Variants in ZNF444 observed in about 807,000 individuals in gnomAD.
ZNF444 encodes the protein endothelial zinc finger protein 2.
Under a neutral mutation model 14.4 loss-of-function variants are expected in ZNF444, and 8 were observed. That is an observed-to-expected ratio of 0.56 (90% confidence interval 0.33 to 1.00). ZNF444 has a LOEUF of 1.00. Among genes scored for constraint, ZNF444 ranks in the 50% least tolerant of loss-of-function variants. The pLI is 0.03. For synonymous variants in ZNF444, 258 were observed against 235.9 expected (o/e 1.09, Z -0.86); for missense variants, 510 against 504.8 (o/e 1.01, Z -0.10).
chr19:56,159,823 G>GGCA lies in ZNF444; in HGVS notation c.607_608insCAG (p.Ser202_Gly203insAla). 6.3e-7 allele frequency: 1 copy of GGCA among 1,576,098 alleles called. No homozygotes were observed. The highest frequency in any genetic ancestry group is 8.6e-7 in the Non-Finnish European group (1 of 1,167,012). ...TGCTGCGCCACCGGCAGAGCCACTC[G>GGCA]GGCGAGAAGCCGCACGCCTGCCCTG... On this transcript the variant is annotated inframe_insertion, in exon 5 of 5. Coordinates refer to ENST00000337080, the MANE Select transcript of ZNF444 (RefSeq NM_018337.4).
chr19:56,156,943 C>T (rs1182042556), intron 3 of ZNF444: 2 of 152,292 alleles, frequency 1.3e-5, no homozygotes, highest in Non-Finnish European at 2.9e-5. Flanking sequence ...GGGTGGATCT[C>T]AGGCTTTTCT....
chr19:56,141,217 C>G (rs1463775852), upstream of ZNF444: 1 of 137,334 alleles, frequency 7.3e-6, no homozygotes, highest in Admixed American at 7.6e-5. Flanking sequence ...TTGGGCTGAA[C>G]GAGCGGCTCG....
At position 56,160,154 on chromosome 19, in the gene ZNF444, C is replaced by A; in HGVS notation, c.937C>A (p.Pro313Thr). The change falls in exon 5 of 5, where the codon CCG becomes ACG. Residue 313 changes from proline (P) to threonine (T), a missense_variant. Pro to Thr is a conservative substitution (Grantham distance 38). Transcript: ENST00000337080. ...AAASAQGAVA[P>T]GPDGGGPFPP... Reference sequence around the variant, plus strand: ...GGCCAGCGCGCAGGGGGCGGTAGCTCCGGGCCCGGATGGTGGAGGCCCCTT... The same window carrying A: ...GGCCAGCGCGCAGGGGGCGGTAGCTACGGGCCCGGATGGTGGAGGCCCCTT... 1 of 1,482,420 alleles carries A rather than the reference C, an allele frequency of 6.7e-7. No homozygotes were observed. The highest frequency in any genetic ancestry group is 8.9e-7 in the Non-Finnish European group (1 of 1,125,476). The allele number at this position is 1,482,420 out of a possible 1,614,324, so 91.8% of individuals were successfully genotyped here.
intron 3 of ZNF444, chr19:56,151,955 C>G (rs1268235812): frequency 6.6e-6 from 3 of 456,112 alleles, no homozygotes; most frequent in Non-Finnish European, 8.8e-6. Context: ...TTCACCGAGA[C>G]ATTGCCGGAT....
chr19:56,157,561 G>C (rs986020488), intron 3 of ZNF444: 2 of 152,034 alleles, frequency 1.3e-5, no homozygotes, highest in African/African-American at 4.8e-5. Context: ...GTGGCACCAC[G>C]CCCAGCTAAT....
chr19:56,134,687 T>A (rs1328975016), intron 1 of ZNF444, among the ~76,000 whole-genome samples: 3 of 152,058 alleles, frequency 2.0e-5, no homozygotes, highest in Non-Finnish European at 2.9e-5. Flanking sequence ...TCACCAAGAT[T>A]TATGGCCCAC....
chr19:56,152,483 GTTTT>G (rs113205489), intron 3 of ZNF444, among the ~76,000 whole-genome samples: 3 of 122,546 alleles, frequency 2.4e-5, no homozygotes, highest in African/African-American at 8.3e-5. Context: ...CCAGGGTTTT[GTTTT>G]TTTTTTTTTT....
chr19:56,148,459 G>C (rs187799317), intron 3 of ZNF444, among the ~76,000 whole-genome samples: 1 of 152,240 alleles, frequency 6.6e-6, no homozygotes, highest in Admixed American at 6.5e-5. Flanking sequence ...GTGAGGCAAA[G>C]CGAGCAAAGC....
At chr19:56,159,537 C>T (rs1166684222) in intron 4 of ZNF444, 87 bp from the exon 5 acceptor site, 4 of 1,207,828 alleles carry the variant, frequency 3.3e-6, no homozygotes, top group East Asian at 2.8e-5. Flanking sequence ...TGCCTTTAAG[C>T]GTTCCCTCCC....
intron 1 of ZNF444, among the ~76,000 whole-genome samples, chr19:56,134,753 T>A (rs973154834): frequency 6.6e-6 from 1 of 151,666 alleles, no homozygotes; most frequent in Non-Finnish European, 1.5e-5. Flanking sequence ...GCACAGATCG[T>A]CAAGGTGATA....
chr19:56,136,971 T>C (rs374307035), upstream of ZNF444, among the ~76,000 whole-genome samples: 22 of 151,666 alleles, frequency 1.5e-4, no homozygotes, highest in African/African-American at 5.1e-4. Flanking sequence ...TTAGTGGAGA[T>C]GGGGTTTCTC....
At chr19:56,140,210 G>C (rs1055825177), upstream of ZNF444, among the ~76,000 whole-genome samples, 1 of 152,160 alleles carries the variant, frequency 6.6e-6, no homozygotes, top group Non-Finnish European at 1.5e-5. Flanking sequence ...CTTCAGATCA[G>C]CCGGGGAGGT....
chr19:56,134,713 A>T (rs2631627), intron 1 of ZNF444, among the ~76,000 whole-genome samples: 1 of 152,024 alleles, frequency 6.6e-6, no homozygotes, highest in Non-Finnish European at 1.5e-5. Context: ...ATACATTAGG[A>T]CCTGTCCTAA....
In ZNF444 at chr19:56,160,012, G is replaced by C; in HGVS notation, c.795G>C (p.Leu265=). 1 of 1,513,166 alleles carries C rather than the reference G, an allele frequency of 6.6e-7. No homozygotes were observed. Among genetic ancestry groups the C allele is most frequent in the Non-Finnish European group, 8.8e-7 (1 of 1,136,268 alleles). 93.7% of individuals were successfully genotyped at this position (1,513,166 alleles called of 1,614,324 possible). A position where few individuals can be genotyped will look rare whatever the true frequency, so the allele number is the denominator to read the frequency against. Residue 265 remains leucine (L), a synonymous_variant, in exon 5 of 5, where the codon CTG becomes CTC. Coordinates refer to ENST00000337080, the MANE Select transcript of ZNF444 (RefSeq NM_018337.4). ...CGKTFYWREH[L]VRHRKTHSGA... ...AGACCTTCTACTGGCGCGAGCACCT[G>C]GTGCGCCACCGCAAGACGCACTCGG...
chr19:56,157,175 TCTGA>T (rs1356667994), intron 3 of ZNF444: 9 of 152,310 alleles, frequency 5.9e-5, no homozygotes, highest in East Asian at 3.9e-4. Flanking sequence ...ACTGTGCTCT[TCTGA>T]CTCTCTCCGA....
At chr19:56,134,514 C>G (rs144315278) in intron 1 of ZNF444, among the ~76,000 whole-genome samples, 1 of 152,142 alleles carries the variant, frequency 6.6e-6, no homozygotes, top group Admixed American at 6.6e-5. Flanking sequence ...GGGGGCTCTG[C>G]GGAAGCTCCA....
upstream of ZNF444, among the ~76,000 whole-genome samples, chr19:56,138,792 CTTTTTTTTTTTT>C (rs59273024): frequency 1.1e-5 from 1 of 92,872 alleles, no homozygotes; most frequent in Admixed American, 1.5e-4. Flanking sequence ...CTTGAATGTA[CTTTTTTTTTTTT>C]TTTTTTTTTT....
intron 1 of ZNF444, chr19:56,142,229 C>G (rs796552096): frequency 5.9e-5 from 9 of 152,330 alleles, no homozygotes; most frequent in African/African-American, 2.2e-4. Context: ...CACTTACTAG[C>G]CAGGTGTGGT....
chr19:56,157,035 G>C (rs897701760), intron 3 of ZNF444: 1 of 152,286 alleles, frequency 6.6e-6, no homozygotes, highest in Admixed American at 6.5e-5. Context: ...CGGTGCCCTT[G>C]AGCTGAGGCC....
Sources: allele counts gnomAD v4.1 joint callset (sites outside exome capture counted in the v4.1 genomes callset), GRCh38; gene constraint gnomAD v4.1.1; transcripts MANE v1.5; gene names NCBI Gene and HGNC (gene_info 2026-07-23, HGNC 2026-07-21).